The following EXOC2 variants were observed in gnomAD, a reference collection of about 807,000 sequenced individuals.
EXOC2 encodes the protein SEC5-like 1.
Under a neutral mutation model 131.8 loss-of-function variants are expected in EXOC2, and 70 were observed. The observed-to-expected ratio is 0.53, with a 90% CI of 0.44 to 0.65. EXOC2 has a LOEUF of 0.65. EXOC2 is among the 30% of genes least tolerant of loss of function. The pLI, the probability that EXOC2 is intolerant of heterozygous loss-of-function variation, is 0.00. For synonymous variants in EXOC2, 411 were observed against 398.4 expected, an observed-to-expected ratio of 1.03 and a Z score of -0.38; for missense variants, 923 against 1,108.6, an observed-to-expected ratio of 0.83 and a Z score of 2.38.
At chr6:632,871 C>G in intron 3 of EXOC2, 70 bp downstream of exon 3, 1 of 1,463,538 alleles carries the variant, frequency 6.8e-7, no homozygotes, top group Non-Finnish European at 9.2e-7. Flanking sequence ...ACGAATCTAC[C>G]AGCTTTACAG....
intron 1 of EXOC2, among the ~76,000 whole-genome samples, chr6:686,862 A>G (rs1298225014): frequency 6.6e-6 from 1 of 152,238 alleles, no homozygotes; most frequent in Non-Finnish European, 1.5e-5. Context: ...GAACCAGGCC[A>G]GTGCAAATTC....
chr6:512,011 T>C (rs570917296), intron 23 of EXOC2, among the ~76,000 whole-genome samples: 1 of 152,372 alleles, frequency 6.6e-6, no homozygotes, highest in East Asian at 1.9e-4. Flanking sequence ...ATTCACAGCT[T>C]TGCCATACTT....
intron 4 of EXOC2, among the ~76,000 whole-genome samples, chr6:623,100 T>A (rs964814209): frequency 3.9e-5 from 6 of 152,176 alleles, no homozygotes; most frequent in African/African-American, 1.2e-4. Flanking sequence ...GTGGGTCTGG[T>A]GAGGTCCCCA....
intron 22 of EXOC2, among the ~76,000 whole-genome samples, chr6:545,862 A>G (rs1469043349): frequency 6.6e-6 from 1 of 152,234 alleles, no homozygotes; most frequent in Non-Finnish European, 1.5e-5. Context: ...CCACATTAAC[A>G]AATGTTATAA....
Position 692,418 on chromosome 6 carries a change from T to C in EXOC2, c.-44+601A>G, listed in dbSNP as rs561607128. On this transcript the variant is annotated intron_variant, in intron 1 of 27. Transcript: ENST00000230449. ...CTGGAGCCGGCGCGCAAGGTCTCAA[T>C]GGCAGCTACAACAGGACCTCAGGCT... Among the ~76,000 whole-genome samples, 254 of 152,362 alleles carry C rather than the reference T, an allele frequency of 1.7e-3. 4 individuals are homozygous for C. The highest frequency in any genetic ancestry group is 5.9e-3 in the African/African-American group (246 of 41,592).
intron 25 of EXOC2, among the ~76,000 whole-genome samples, chr6:494,329 C>T (rs1329482166): frequency 6.6e-6 from 1 of 152,182 alleles, no homozygotes; most frequent in African/African-American, 2.4e-5. Flanking sequence ...CTCACAGGCT[C>T]TCCCAGTAAC....
intron 1 of EXOC2, among the ~76,000 whole-genome samples, chr6:661,385 C>A (rs2127760899): frequency 6.6e-6 from 1 of 152,296 alleles, no homozygotes; most frequent in South Asian, 2.1e-4. Flanking sequence ...AGACTAAGAG[C>A]TGTGAGATAG....
At position 632,935 on chromosome 6, in the gene EXOC2, C is replaced by T. The variant is rs1761925318; in HGVS notation, c.295+6G>A. On this transcript the variant is annotated splice_donor_region_variant and intron_variant, in intron 3 of 27. Coordinates refer to ENST00000230449, the MANE Select transcript of EXOC2 (RefSeq NM_018303.6). Reference sequence around the variant, plus strand: ...TTCTTTAGAATAAACCCATGAAAGACTTTACCTATTTTCTCAGGTTTGAGT... The same window carrying T: ...TTCTTTAGAATAAACCCATGAAAGATTTTACCTATTTTCTCAGGTTTGAGT... 1 of 1,603,158 alleles carries T rather than the reference C, an allele frequency of 6.2e-7. No individual in the cohort carries two copies. The highest frequency in any genetic ancestry group is 1.3e-5 in the African/African-American group (1 of 74,294).
At chr6:656,166 A>C in intron 1 of EXOC2, 2 of 1,614,144 alleles carry the variant, frequency 1.2e-6, no homozygotes, top group African/African-American at 1.3e-5. Flanking sequence ...AACAAGCTGA[A>C]GAAGAGTATT....
At chr6:665,305 T>G (rs145282074) in intron 1 of EXOC2, among the ~76,000 whole-genome samples, 2 of 143,038 alleles carry the variant, frequency 1.4e-5, no homozygotes, top group Non-Finnish European at 3.1e-5. Flanking sequence ...GTAGATGCGG[T>G]GAACAGGGAA....
In EXOC2 at chr6:630,888, A is replaced by G. The variant is rs1761811713; in HGVS notation, c.296-927T>C. Among the ~76,000 whole-genome samples the G allele has an allele frequency of 2.0e-5, 3 of 152,246 alleles. No individual in the cohort carries two copies. In the South Asian group the frequency reaches 6.2e-4, roughly 32 times the overall value. On this transcript the variant is annotated intron_variant, in intron 3 of 27. Coordinates refer to ENST00000230449, the MANE Select transcript of EXOC2 (RefSeq NM_018303.6). ...TATAATGGAAATAACCAGGTTATTCAGGGAAAACTGACTGGGTGTGGACCC... is the reference window on the plus strand; with the variant it reads ...TATAATGGAAATAACCAGGTTATTCGGGGAAAACTGACTGGGTGTGGACCC...
intron 5 of EXOC2, among the ~76,000 whole-genome samples, chr6:619,078 C>T (rs1761155070): frequency 6.6e-6 from 1 of 152,120 alleles, no homozygotes; most frequent in Admixed American, 6.5e-5. Flanking sequence ...ATGTTTTACC[C>T]CAGAACTTAA....
chr6:678,582 A>T (rs1258143497), intron 1 of EXOC2, among the ~76,000 whole-genome samples: 1 of 152,222 alleles, frequency 6.6e-6, no homozygotes, highest in Non-Finnish European at 1.5e-5. Context: ...AAATAGAGAA[A>T]CATTCTAAGA....
chr6:628,573 T>C (rs1761696228), intron 4 of EXOC2, among the ~76,000 whole-genome samples: 1 of 152,344 alleles, frequency 6.6e-6, no homozygotes, highest in South Asian at 2.1e-4. Context: ...ACTGATAATT[T>C]TGTCCAAGTC....
chr6:657,416 A>C (rs891682339), intron 1 of EXOC2, among the ~76,000 whole-genome samples: 1 of 152,180 alleles, frequency 6.6e-6, no homozygotes, highest in Non-Finnish European at 1.5e-5. Flanking sequence ...CCTCATCTTC[A>C]CACTTAAATA....
At chr6:632,791 A>C in intron 3 of EXOC2, 150 bp downstream of exon 3, 33 of 787,514 alleles carry the variant, frequency 4.2e-5, no homozygotes, top group East Asian at 8.2e-5. Context: ...AATATTAACC[A>C]ACATCCCAAT....
At chr6:643,916 A>G (rs1330011442) in intron 1 of EXOC2, among the ~76,000 whole-genome samples, 2 of 152,158 alleles carry the variant, frequency 1.3e-5, no homozygotes, top group African/African-American at 4.8e-5. Context: ...ATGCTGATAA[A>G]TTTTACAACT....
intron 1 of EXOC2, among the ~76,000 whole-genome samples, chr6:687,687 TAC>T: frequency 6.6e-6 from 1 of 152,186 alleles, no homozygotes; most frequent in Non-Finnish European, 1.5e-5. Flanking sequence ...TCCCAGGCAT[TAC>T]CCTGAAGAAA....
chr6:617,692 G>A lies in EXOC2; in HGVS notation c.661+19C>T. The A allele has an allele frequency of 1.2e-6, 2 of 1,607,482 alleles. No individual in the cohort carries two copies. The highest frequency in any genetic ancestry group is 1.1e-5 in the South Asian group (1 of 89,534). On this transcript the variant is annotated intron_variant, in intron 6 of 27. Transcript: ENST00000230449. ...CCATGGCGGAAGCTGCCAGCAGATG[G>A]CTCTGAGGATCGCCTTACCTGAGAG...
Sources: gnomAD v4.1 joint callset for allele counts (sites outside exome capture counted in the v4.1 genomes callset) on GRCh38, gnomAD v4.1.1 for gene constraint, MANE v1.5 for transcripts, NCBI Gene and HGNC (gene_info 2026-07-23, HGNC 2026-07-21) for gene names.